The following RPH3A variants were observed in gnomAD, a reference collection of about 807,000 sequenced individuals.
The protein encoded by RPH3A is rabphilin-3A.
A neutral mutation model predicts 102.2 loss-of-function variants in RPH3A; 48 were observed. The ratio of observed to expected loss-of-function variants is 0.47; its 90% CI spans 0.37 to 0.60. The LOEUF (loss-of-function observed/expected upper bound fraction) is 0.60, where lower values mean the gene tolerates loss of function less well. RPH3A is among the 20% of genes least tolerant of loss of function. The probability of loss-of-function intolerance (pLI) is 0.00; values close to 1 mark genes in which losing one functional copy is unlikely to be tolerated. For missense variants in RPH3A, 781 were observed against 910.1 expected (o/e 0.86, Z 1.83); for synonymous variants, 310 against 324.3 (o/e 0.96, Z 0.47).
At chr12:112,675,599 A>G (rs1399321655) in intron 1 of RPH3A, among the ~76,000 whole-genome samples, 5 of 152,172 alleles carry the variant, frequency 3.3e-5, no homozygotes, top group Admixed American at 1.3e-4. Flanking sequence ...GCATTCTTTT[A>G]TTTTTGCTTT....
chr12:112,576,231 T>A (rs576820965), intron 1 of RPH3A, among the ~76,000 whole-genome samples: 10 of 152,310 alleles, frequency 6.6e-5, no homozygotes, highest in Middle Eastern at 3.4e-3. Flanking sequence ...TCCTGACTCT[T>A]AACCACGCTG....
intron 1 of RPH3A, among the ~76,000 whole-genome samples, chr12:112,744,920 CA>C (rs780901339): frequency 2.0e-5 from 3 of 152,214 alleles, no homozygotes; most frequent in Non-Finnish European, 4.4e-5. Context: ...GTTCAGTTTT[CA>C]AAAGCAGGGA....
intron 1 of RPH3A, among the ~76,000 whole-genome samples, chr12:112,769,246 A>G (rs2040912298): frequency 6.6e-6 from 1 of 152,102 alleles, no homozygotes; most frequent in Admixed American, 6.5e-5. Context: ...CGCCTCTTTG[A>G]GGCTTCTTTC....
intron 1 of RPH3A, among the ~76,000 whole-genome samples, chr12:112,740,337 T>C (rs2040700263): frequency 6.6e-6 from 1 of 152,190 alleles, no homozygotes; most frequent in Non-Finnish European, 1.5e-5. Flanking sequence ...ATGAATTCTA[T>C]AGTTAGCCAG....
At chr12:112,711,338 G>A (rs1222937461) in intron 1 of RPH3A, among the ~76,000 whole-genome samples, 1 of 151,802 alleles carries the variant, frequency 6.6e-6, no homozygotes, top group Non-Finnish European at 1.5e-5. Context: ...TGCAATCCTG[G>A]GCCTCCCTCC....
At chr12:112,735,289 CACTGGG>C (rs2040661501) in intron 1 of RPH3A, among the ~76,000 whole-genome samples, 1 of 152,212 alleles carries the variant, frequency 6.6e-6, no homozygotes, top group Non-Finnish European at 1.5e-5. Flanking sequence ...TTGTAAATTC[CACTGGG>C]ACCCTAAAGC....
At chr12:112,631,849 A>G (rs1304341151) in intron 1 of RPH3A, among the ~76,000 whole-genome samples, 1 of 152,150 alleles carries the variant, frequency 6.6e-6, no homozygotes, top group African/African-American at 2.4e-5. Context: ...GTAAGGGGAT[A>G]CTAATGTAAT....
intron 1 of RPH3A, among the ~76,000 whole-genome samples, chr12:112,713,335 T>C (rs1233457641): frequency 6.6e-6 from 1 of 152,086 alleles, no homozygotes; most frequent in Non-Finnish European, 1.5e-5. Flanking sequence ...AACTAGCTTT[T>C]TTCACTCAAC....
chr12:112,745,869 C>T (rs376247626), intron 1 of RPH3A, among the ~76,000 whole-genome samples: 14 of 152,078 alleles, frequency 9.2e-5, no homozygotes, highest in South Asian at 6.2e-4. Flanking sequence ...TCTGTGGTTT[C>T]CTGGTGGTGG....
rs1055691481 is a variant in RPH3A, at chr12:112,608,451, C to T, written c.-140+33132C>T. On this transcript the variant is annotated intron_variant, in intron 1 of 21. Coordinates refer to the RPH3A transcript ENST00000543106. ...AGTAGTGTCCTGCCCATGGTAGATT[C>T]TTAGTAAATATTTATTGAATTAAAT... 2.6e-5 allele frequency among the ~76,000 whole-genome samples: 4 copies of T among 152,084 alleles called. No homozygotes were observed. The East Asian group carries it at 7.7e-4, about 29-fold the overall frequency.
intron 1 of RPH3A, among the ~76,000 whole-genome samples, chr12:112,628,503 G>A (rs971681782): frequency 3.6e-5 from 5 of 138,806 alleles, no homozygotes; most frequent in Non-Finnish European, 7.6e-5. Flanking sequence ...GCTGAAGTGG[G>A]AGGCTTGCTT....
intron 7 of RPH3A, among the ~76,000 whole-genome samples, chr12:112,867,951 C>T (rs115979181): frequency 8.5e-5 from 13 of 152,246 alleles, no homozygotes; most frequent in African/African-American, 1.2e-4. Context: ...ATGAATCTGA[C>T]GGGGCAATGG....
intron 17 of RPH3A, 84 bp from the exon 18 acceptor site, chr12:112,889,940 A>C: frequency 8.2e-7 from 1 of 1,226,252 alleles, no homozygotes; most frequent in Admixed American, 1.7e-5. Context: ...TGGTAATGGA[A>C]GTATGAGGGG....
chr12:112,770,367 A>T, intron 1 of RPH3A, among the ~76,000 whole-genome samples: 2 of 119,954 alleles, frequency 1.7e-5, no homozygotes, highest in South Asian at 2.6e-4. Flanking sequence ...GTTTTTTGAG[A>T]CAGGTTTTGG....
At chr12:112,690,722 G>A (rs1270377155) in intron 1 of RPH3A, among the ~76,000 whole-genome samples, 1 of 152,214 alleles carries the variant, frequency 6.6e-6, no homozygotes, top group Non-Finnish European at 1.5e-5. Flanking sequence ...TTGGGGAGGA[G>A]TGGGGTTAAG....
intron 1 of RPH3A, among the ~76,000 whole-genome samples, chr12:112,696,477 G>A (rs2040353118): frequency 6.6e-6 from 1 of 152,180 alleles, no homozygotes; most frequent in Non-Finnish European, 1.5e-5. Context: ...GGCTCAGGGA[G>A]GCCATACATA....
intron 2 of RPH3A, among the ~76,000 whole-genome samples, chr12:112,812,887 C>A (rs898635186): frequency 3.3e-5 from 5 of 152,196 alleles, no homozygotes; most frequent in African/African-American, 9.6e-5. Context: ...TTAGTGCAAT[C>A]CCTGGCACAC....
chr12:112,660,922 T>C (rs920620279), intron 1 of RPH3A, among the ~76,000 whole-genome samples: 3 of 152,098 alleles, frequency 2.0e-5, no homozygotes, highest in African/African-American at 7.2e-5. Flanking sequence ...CAGTAGAGCC[T>C]CAGGAGAATA....
At chr12:112,675,030 C>T (rs1449327315) in intron 1 of RPH3A, among the ~76,000 whole-genome samples, 1 of 152,202 alleles carries the variant, frequency 6.6e-6, no homozygotes, top group African/African-American at 2.4e-5. Context: ...AATCTCTCCC[C>T]GCTCCAAACA....
Sources: gnomAD v4.1 joint callset for allele counts (sites outside exome capture counted in the v4.1 genomes callset) on GRCh38, gnomAD v4.1.1 for gene constraint, MANE v1.5 for transcripts, NCBI Gene and HGNC (gene_info 2026-07-23, HGNC 2026-07-21) for gene names.